RABGAP1L: variants seen among roughly 807,000 people sequenced by gnomAD.
RABGAP1L encodes the protein rab GTPase-activating protein 1-like.
Under a neutral mutation model 137.7 loss-of-function variants are expected in RABGAP1L, and 63 were observed. The observed-to-expected ratio is 0.46, with a 90% CI of 0.37 to 0.56. The LOEUF is 0.56. RABGAP1L is among the 20% of genes least tolerant of loss of function. The pLI is 0.00. For missense variants in RABGAP1L, 1,095 were observed against 1,244.0 expected (o/e 0.88, Z 1.80); for synonymous variants, 431 against 433.7 (o/e 0.99, Z 0.08).
At chr1:174,192,318 G>GT (rs3056994) in intron 1 of RABGAP1L, among the ~76,000 whole-genome samples, 2,471 of 112,864 alleles carry the variant, frequency 0.022, 61 homozygotes, top group African/African-American at 0.054. Flanking sequence ...TGTCTGAGGT[G>GT]TTTTTTTTTT....
At chr1:174,237,156 A>G (rs1484506001) in intron 4 of RABGAP1L, among the ~76,000 whole-genome samples, 2 of 151,658 alleles carry the variant, frequency 1.3e-5, no homozygotes, top group African/African-American at 4.9e-5. Flanking sequence ...TTTTGAGCCT[A>G]TGTGTGTCTC....
chr1:174,163,383 A>G (rs1664661784), intron 1 of RABGAP1L, among the ~76,000 whole-genome samples: 1 of 152,182 alleles, frequency 6.6e-6, no homozygotes, highest in African/African-American at 2.4e-5. Flanking sequence ...AACAGATGGG[A>G]TGGCATAATT....
chr1:174,504,380 G>A (rs759775267), intron 13 of RABGAP1L, among the ~76,000 whole-genome samples: 1 of 150,070 alleles, frequency 6.7e-6, no homozygotes, highest in Non-Finnish European at 1.5e-5. Context: ...TTTAAATCCT[G>A]TTTAGACCCT....
chr1:174,883,494 A>G (rs1248383822), intron 19 of RABGAP1L, among the ~76,000 whole-genome samples: 1 of 152,164 alleles, frequency 6.6e-6, no homozygotes, highest in Non-Finnish European at 1.5e-5. Flanking sequence ...TGATTAGGGA[A>G]TCACTATCAG....
intron 20 of RABGAP1L, among the ~76,000 whole-genome samples, chr1:174,962,199 C>CT (rs1319740551): frequency 1.6e-5 from 2 of 123,856 alleles, no homozygotes; most frequent in Admixed American, 1.6e-4. Flanking sequence ...AAAATACACC[C>CT]CCCCCCCACA....
At chr1:174,422,375 G>A (rs1445969725) in intron 13 of RABGAP1L, among the ~76,000 whole-genome samples, 1 of 150,052 alleles carries the variant, frequency 6.7e-6, no homozygotes, top group Non-Finnish European at 1.5e-5. Context: ...GATTTAAGTA[G>A]ATTTTTTTTT....
At chr1:174,502,538 C>T (rs1375956574) in intron 13 of RABGAP1L, among the ~76,000 whole-genome samples, 1 of 142,880 alleles carries the variant, frequency 7.0e-6, no homozygotes, top group Non-Finnish European at 1.5e-5. Context: ...CAGGAAACAA[C>T]TCAAGAGAAA....
chr1:174,233,484 C>T (rs1382616933), intron 4 of RABGAP1L, among the ~76,000 whole-genome samples: 1 of 136,170 alleles, frequency 7.3e-6, no homozygotes, highest in Non-Finnish European at 1.5e-5. Context: ...TCTCATTGTT[C>T]ACTTCCCACC....
At position 174,653,120 on chromosome 1, in the gene RABGAP1L, G is replaced by A. The variant is rs145640612; in HGVS notation, c.1824+15632G>A. Among the ~76,000 whole-genome samples, 352 of 152,280 alleles carry A rather than the reference G, an allele frequency of 2.3e-3. 12 individuals are homozygous for A. In the East Asian group the frequency reaches 0.052, roughly 23 times the overall value. On this transcript the variant is annotated intron_variant, in intron 14 of 25. Transcript: ENST00000681986. ...TGTGAGGGGAAAACCGCCTACTCCA[G>A]CCTCAGTAATGGTGGACGCCCCTCC...
At chr1:174,471,561 C>A (rs1365614179) in intron 13 of RABGAP1L, among the ~76,000 whole-genome samples, 1 of 152,154 alleles carries the variant, frequency 6.6e-6, no homozygotes, top group Non-Finnish European at 1.5e-5. Context: ...TAAATACTGT[C>A]ACAAATAGCT....
chr1:174,767,597 C>T (rs1055604469), intron 18 of RABGAP1L, among the ~76,000 whole-genome samples: 1 of 151,496 alleles, frequency 6.6e-6, no homozygotes, highest in African/African-American at 2.4e-5. Context: ...AATCTCGGCT[C>T]ACTGCAAGCT....
intron 11 of RABGAP1L, among the ~76,000 whole-genome samples, chr1:174,363,715 T>C (rs1684336674): frequency 1.3e-5 from 2 of 152,126 alleles, no homozygotes; most frequent in African/African-American, 4.8e-5. Flanking sequence ...TATTGAGGTA[T>C]ATTTCTTCTA....
chr1:174,529,062 T>G (rs1282368107), intron 13 of RABGAP1L, among the ~76,000 whole-genome samples: 1 of 151,736 alleles, frequency 6.6e-6, no homozygotes, highest in Non-Finnish European at 1.5e-5. Context: ...TCTTTTGTTT[T>G]TTGTTTTCAG....
intron 12 of RABGAP1L, among the ~76,000 whole-genome samples, chr1:174,386,724 G>A (rs534958466): frequency 1.2e-3 from 184 of 152,124 alleles, no homozygotes; most frequent in African/African-American, 4.2e-3. Flanking sequence ...GGCCGGGCTG[G>A]TCTTGAACTC....
intron 13 of RABGAP1L, among the ~76,000 whole-genome samples, chr1:174,622,452 C>A (rs1271955418): frequency 2.0e-5 from 3 of 152,174 alleles, no homozygotes; most frequent in Non-Finnish European, 4.4e-5. Flanking sequence ...TTGGAACCAA[C>A]CCAAATGTCC....
chr1:174,958,300 G>A lies in RABGAP1L; in HGVS notation c.2433+751G>A, dbSNP rs1558282779. 6 of 919,024 alleles carry A rather than the reference G, an allele frequency of 6.5e-6. No individual in the cohort carries two copies. The South Asian group carries it at 6.7e-5, about 10-fold the overall frequency. The allele number at this position is 919,024 out of a possible 1,614,324, so 56.9% of individuals were successfully genotyped here. A position where few individuals can be genotyped will look rare whatever the true frequency, so the allele number is the denominator to read the frequency against. On this transcript the variant is annotated intron_variant, in intron 20 of 25. Transcript: ENST00000681986. The stretch of plus-strand genomic sequence containing the variant: ...AAAATAATTTCATTTTAATACGTTC[G>A]TTAATTGTGAATCTCTTCAATGGTA...
At chr1:174,832,807 A>G (rs970357646) in intron 19 of RABGAP1L, among the ~76,000 whole-genome samples, 5 of 152,156 alleles carry the variant, frequency 3.3e-5, no homozygotes, top group African/African-American at 1.2e-4. Flanking sequence ...TTATGATTCT[A>G]TGCTGTTTGC....
rs374837788 is a variant in RABGAP1L, at chr1:174,355,357, G to A, written c.1466-15622G>A. Among the ~76,000 whole-genome samples, 638 of 150,830 alleles carry A rather than the reference G, an allele frequency of 4.2e-3. 2 individuals are homozygous for A. Among genetic ancestry groups the A allele is most frequent in the Non-Finnish European group, 7.1e-3 (484 of 67,812 alleles). ...AAACCATCATTCTCAGCAAACTATC[G>A]CAAGGACAAAAAACCAAACACTGCA... On this transcript the variant is annotated intron_variant, in intron 11 of 25. Coordinates refer to ENST00000681986, the MANE Select transcript of RABGAP1L (RefSeq NM_001366446.1).
intron 17 of RABGAP1L, among the ~76,000 whole-genome samples, chr1:174,715,482 A>T (rs1680920854): frequency 6.6e-6 from 1 of 152,238 alleles, no homozygotes; most frequent in African/African-American, 2.4e-5. Context: ...GAATACTGGC[A>T]GGCTTTACTG....
Sources: allele counts gnomAD v4.1 joint callset (sites outside exome capture counted in the v4.1 genomes callset), GRCh38; gene constraint gnomAD v4.1.1; transcripts MANE v1.5; gene names NCBI Gene and HGNC (gene_info 2026-07-23, HGNC 2026-07-21).